Variants in AFF3 observed in about 807,000 individuals in gnomAD.
The protein encoded by AFF3 is AF4/FMR2 family member 3.
In AFF3, 32 loss-of-function variants were observed where a neutral mutation model predicts 129.7. The ratio of observed to expected loss-of-function variants is 0.25; its 90% CI spans 0.19 to 0.33. AFF3 has a LOEUF of 0.33. Among genes scored for constraint, AFF3 ranks in the 10% least tolerant of loss-of-function variants. The probability of loss-of-function intolerance (pLI) is 1.00; values close to 1 mark genes in which losing one functional copy is unlikely to be tolerated. For synonymous variants in AFF3, 644 were observed against 635.4 expected (o/e 1.01, Z -0.20); for missense variants, 1,373 against 1,592.0 (o/e 0.86, Z 2.34).
At chr2:99,940,401 C>G (rs1287821263) in intron 7 of AFF3, among the ~76,000 whole-genome samples, 2 of 152,168 alleles carry the variant, frequency 1.3e-5, no homozygotes, top group African/African-American at 2.4e-5. Context: ...GTTAGGCATT[C>G]TAAGTCACAG....
Position 99,616,977 on chromosome 2 carries a change from G to A in AFF3, c.1185-15356C>T, listed in dbSNP as rs115879123. 6.8e-4 allele frequency among the ~76,000 whole-genome samples: 104 copies of A among 152,248 alleles called. 1 individual carries two copies. Among genetic ancestry groups the A allele is most frequent in the South Asian group, 2.7e-3 (13 of 4,824 alleles). On this transcript the variant is annotated intron_variant, in intron 13 of 24. Coordinates refer to ENST00000672756, the MANE Select transcript of AFF3 (RefSeq NM_001386135.1). ...TTTCAAGGGTCATCTATACTGTAGCGTGTATCAGCACTTTGCTGCTTTTCC... is the reference window on the plus strand; with the variant it reads ...TTTCAAGGGTCATCTATACTGTAGCATGTATCAGCACTTTGCTGCTTTTCC...
intron 7 of AFF3, among the ~76,000 whole-genome samples, chr2:99,959,118 G>A (rs1676961478): frequency 6.6e-6 from 1 of 151,926 alleles, no homozygotes; most frequent in Non-Finnish European, 1.5e-5. Context: ...TAAAGGAGAG[G>A]ACAGCAAGAG....
intron 4 of AFF3, among the ~76,000 whole-genome samples, chr2:100,092,527 A>G (rs967394386): frequency 1.3e-5 from 2 of 152,158 alleles, no homozygotes; most frequent in Non-Finnish European, 2.9e-5. Flanking sequence ...GCCATCACCT[A>G]CTGGAAAATG....
At chr2:100,127,402 A>G (rs1692239612) in intron 2 of AFF3, among the ~76,000 whole-genome samples, 1 of 152,206 alleles carries the variant, frequency 6.6e-6, no homozygotes, top group Non-Finnish European at 1.5e-5. Flanking sequence ...CACAAGGTTC[A>G]GAAAGGTTGA....
intron 7 of AFF3, among the ~76,000 whole-genome samples, chr2:99,936,338 G>A (rs1166541943): frequency 6.6e-6 from 1 of 152,070 alleles, no homozygotes; most frequent in Non-Finnish European, 1.5e-5. Flanking sequence ...TGACAGCTTC[G>A]TGTGCTGAGT....
chr2:99,745,566 A>G (rs925654951), intron 9 of AFF3, among the ~76,000 whole-genome samples: 4 of 152,102 alleles, frequency 2.6e-5, no homozygotes, highest in Non-Finnish European at 1.5e-5. Context: ...TATCATATTG[A>G]CTTTTAATCT....
chr2:99,562,760 T>C (rs1675588434), intron 20 of AFF3, among the ~76,000 whole-genome samples: 1 of 152,242 alleles, frequency 6.6e-6, no homozygotes, highest in African/African-American at 2.4e-5. Context: ...TCTTGAGTCC[T>C]ATTTTAAACC....
chr2:99,692,569 T>C (rs1575709957), intron 11 of AFF3, among the ~76,000 whole-genome samples: 1 of 148,292 alleles, frequency 6.7e-6, no homozygotes, highest in East Asian at 2.0e-4. Flanking sequence ...CATGCTGGGC[T>C]CCCACCTGCA....
intron 8 of AFF3, among the ~76,000 whole-genome samples, chr2:99,784,551 CA>C (rs1349471181): frequency 4.6e-5 from 7 of 152,180 alleles, no homozygotes; most frequent in Non-Finnish European, 8.8e-5. Flanking sequence ...GTAAATTATG[CA>C]AGTTCACATT....
intron 11 of AFF3, chr2:99,707,276 T>C: frequency 1.0e-6 from 1 of 985,434 alleles, no homozygotes; most frequent in South Asian, 4.7e-5. Context: ...AAGAGCCTTC[T>C]TGCTTTTAGT....
chr2:100,105,689 G>C (rs1308782381), intron 2 of AFF3, 106 bp from the exon 3 acceptor site: 2 of 1,353,844 alleles, frequency 1.5e-6, no homozygotes, highest in Non-Finnish European at 2.0e-6. Context: ...GACATGCTGA[G>C]AAGCGCATGT....
intron 8 of AFF3, among the ~76,000 whole-genome samples, chr2:99,773,593 T>C (rs1480167899): frequency 6.6e-6 from 1 of 152,048 alleles, no homozygotes; most frequent in Non-Finnish European, 1.5e-5. Context: ...AGACTGGATA[T>C]GAATTAACAA....
chr2:99,887,096 T>A (rs1413280637), intron 7 of AFF3, among the ~76,000 whole-genome samples: 1 of 152,222 alleles, frequency 6.6e-6, no homozygotes, highest in Non-Finnish European at 1.5e-5. Context: ...CTGCCCTCTG[T>A]TGGGGGCAAC....
intron 7 of AFF3, among the ~76,000 whole-genome samples, chr2:99,993,289 A>C (rs907395368): frequency 6.6e-6 from 1 of 152,224 alleles, no homozygotes; most frequent in Admixed American, 6.5e-5. Context: ...ATGCCGCCTT[A>C]AAAGAAAGAA....
intron 7 of AFF3, among the ~76,000 whole-genome samples, chr2:99,948,929 T>C (rs1430592918): frequency 1.3e-5 from 2 of 152,208 alleles, no homozygotes; most frequent in Admixed American, 6.5e-5. Flanking sequence ...CCAAAGTAAA[T>C]TTCATTTGGG....
chr2:99,871,177 T>C (rs1691842437), intron 7 of AFF3, among the ~76,000 whole-genome samples: 2 of 152,208 alleles, frequency 1.3e-5, no homozygotes, highest in African/African-American at 4.8e-5. Flanking sequence ...ATGAATTTCA[T>C]GTATAGACTC....
At chr2:100,074,367 C>T (rs549564483) in intron 4 of AFF3, among the ~76,000 whole-genome samples, 305 of 152,248 alleles carry the variant, frequency 2.0e-3, no homozygotes, top group African/African-American at 6.9e-3. Flanking sequence ...GGAGCTGGTC[C>T]GCTATTTCCC....
At chr2:99,555,441 T>A (rs13397587) in intron 22 of AFF3, among the ~76,000 whole-genome samples, 13,141 of 152,322 alleles carry the variant, frequency 0.086, 1,895 homozygotes, top group African/African-American at 0.3. Context: ...ATATTCCTAA[T>A]AGAATTGATT....
chr2:99,839,615 T>C (rs1262461890), intron 7 of AFF3, among the ~76,000 whole-genome samples: 2 of 146,512 alleles, frequency 1.4e-5, no homozygotes, highest in African/African-American at 5.0e-5. Flanking sequence ...TTTTCTTTCT[T>C]TCTTTTTTTT....
Sources: gnomAD v4.1 joint callset for allele counts (sites outside exome capture counted in the v4.1 genomes callset) on GRCh38, gnomAD v4.1.1 for gene constraint, MANE v1.5 for transcripts, NCBI Gene and HGNC (gene_info 2026-07-23, HGNC 2026-07-21) for gene names.